DLG1: variants seen among roughly 807,000 people sequenced by gnomAD.
DLG1 encodes the protein discs large MAGUK scaffold protein 1.
In DLG1, 42 loss-of-function variants were observed where a neutral mutation model predicts 123.4. The observed-to-expected ratio is 0.34, with a 90% CI of 0.27 to 0.44. DLG1 has a LOEUF of 0.44. DLG1 is among the 20% of genes least tolerant of loss of function. The pLI is 1.00. For missense variants in DLG1, 942 were observed against 1,082.6 expected (o/e 0.87, Z 1.82); for synonymous variants, 317 against 356.2 (o/e 0.89, Z 1.24).
In DLG1 at chr3:197,230,938, ATATAG is replaced by A. The variant is rs1244488616; in HGVS notation, c.319-36354_319-36350del. ...TCCATGATTCTTCCAACTGCTTTACATATAGTATGTTATTTAATCATCTTAATGCT... is the reference window on the plus strand; with the variant it reads ...TCCATGATTCTTCCAACTGCTTTACATATGTTATTTAATCATCTTAATGCT... On this transcript the variant is annotated intron_variant, in intron 4 of 24. Transcript: ENST00000667157. 2.7e-5 allele frequency among the ~76,000 whole-genome samples: 4 copies of A among 150,136 alleles called. No homozygotes were observed. In the East Asian group the frequency reaches 7.7e-4, roughly 29 times the overall value.
Position 197,043,402 on chromosome 3 carries a change from G to A in DLG1, c.*1221C>T, listed in dbSNP as rs960138063. ...ACCTTTGTAGAAAAGAGGAGAATAT[G>A]CCCACACTTTTACTTATAATCTAAT... On this transcript the variant is annotated 3_prime_UTR_variant, in exon 25 of 25. Coordinates refer to ENST00000667157, the MANE Select transcript of DLG1 (RefSeq NM_001366207.1). 24 of 152,142 alleles carry A rather than the reference G, an allele frequency of 1.6e-4. No individual in the cohort carries two copies. The highest frequency in any genetic ancestry group is 5.8e-4 in the African/African-American group (24 of 41,516). 9.4% of individuals were successfully genotyped at this position (152,142 alleles called of 1,614,324 possible). A position where few individuals can be genotyped will look rare whatever the true frequency, so the allele number is the denominator to read the frequency against.
chr3:197,287,108 G>A (rs181910175), intron 3 of DLG1, among the ~76,000 whole-genome samples: 272 of 151,758 alleles, frequency 1.8e-3, no homozygotes, highest in Non-Finnish European at 3.4e-3. Context: ...TGGGCTCAAG[G>A]ATCCTCCCAC....
chr3:197,214,198 T>A (rs1045195918), intron 4 of DLG1, among the ~76,000 whole-genome samples: 3 of 152,038 alleles, frequency 2.0e-5, no homozygotes, highest in Admixed American at 6.6e-5. Flanking sequence ...TAAAAAAAAA[T>A]ACCTATTAGA....
chr3:197,199,792 T>C (rs1310853513), intron 4 of DLG1, among the ~76,000 whole-genome samples: 2 of 152,124 alleles, frequency 1.3e-5, no homozygotes, highest in East Asian at 3.9e-4. Context: ...GCCAATAAAG[T>C]AGAATGTAGA....
chr3:197,289,016 T>C (rs1773498120), intron 3 of DLG1, among the ~76,000 whole-genome samples: 1 of 152,194 alleles, frequency 6.6e-6, no homozygotes, highest in African/African-American at 2.4e-5. Context: ...TCTCAAAATG[T>C]GAGCTTCTTG....
chr3:197,174,665 C>A (rs1806067789), intron 5 of DLG1, among the ~76,000 whole-genome samples: 1 of 152,094 alleles, frequency 6.6e-6, no homozygotes, highest in Non-Finnish European at 1.5e-5. Context: ...TGATTTCTTT[C>A]CAAATTTATA....
intron 4 of DLG1, among the ~76,000 whole-genome samples, chr3:197,271,864 G>A (rs946384507): frequency 2.0e-5 from 3 of 152,112 alleles, no homozygotes; most frequent in Non-Finnish European, 1.5e-5. Flanking sequence ...CACACATACA[G>A]GAAAAGCAAG....
chr3:197,051,337 C>T (rs1560317625), intron 24 of DLG1, among the ~76,000 whole-genome samples: 1 of 150,136 alleles, frequency 6.7e-6, no homozygotes, highest in Admixed American at 6.6e-5. Flanking sequence ...GCAGGAGAAT[C>T]GCTTGAGCCA....
In DLG1 at chr3:197,235,070, C is replaced by T. The variant is rs141957461; in HGVS notation, c.319-40481G>A. Among the ~76,000 whole-genome samples the T allele has an allele frequency of 2.5e-3, 380 of 152,188 alleles. 2 individuals are homozygous for T. The highest frequency in any genetic ancestry group is 0.01 in the Middle Eastern group (3 of 294). On this transcript the variant is annotated intron_variant, in intron 4 of 24. Coordinates refer to ENST00000667157, the MANE Select transcript of DLG1 (RefSeq NM_001366207.1). ...TAGAAAACTAGAAAAAAAATACATG[C>T]CACAACAGTTTTCAGCACTGGACAA...
intron 12 of DLG1, among the ~76,000 whole-genome samples, chr3:197,116,483 A>AG (rs1773370653): frequency 6.6e-6 from 1 of 152,188 alleles, no homozygotes; most frequent in Non-Finnish European, 1.5e-5. Flanking sequence ...TAGAGAAGGC[A>AG]GGCCCTTTCT....
chr3:197,237,266 T>G (rs1457739915), intron 4 of DLG1, among the ~76,000 whole-genome samples: 1 of 152,198 alleles, frequency 6.6e-6, no homozygotes, highest in Non-Finnish European at 1.5e-5. Flanking sequence ...TAGCTAGGAA[T>G]GTAGAACCCT....
chr3:197,115,817 G>T, intron 13 of DLG1, 110 bp downstream of exon 13: 2 of 1,053,300 alleles, frequency 1.9e-6, no homozygotes, highest in South Asian at 1.5e-5. Context: ...ATGTTAAGAA[G>T]ATAACCAAGA....
chr3:197,262,810 G>T (rs1001177796), intron 4 of DLG1, among the ~76,000 whole-genome samples: 10 of 152,322 alleles, frequency 6.6e-5, no homozygotes, highest in East Asian at 1.9e-4. Context: ...CAGCACAGAA[G>T]TGTGCTGTGT....
intron 10 of DLG1, among the ~76,000 whole-genome samples, chr3:197,133,952 AAG>A (rs759876004): frequency 1.3e-5 from 2 of 152,374 alleles, no homozygotes; most frequent in South Asian, 2.1e-4. Context: ...AAGTTGATTT[AAG>A]AGAGAGACTT....
At chr3:197,073,478 T>C (rs954627941) in intron 18 of DLG1, among the ~76,000 whole-genome samples, 3 of 152,214 alleles carry the variant, frequency 2.0e-5, no homozygotes, top group African/African-American at 7.2e-5. Context: ...TTTTCAAAAT[T>C]ACCTCCCTTA....
rs922706915 is a variant in DLG1, at chr3:197,042,687, G to C, written c.*1936C>G. The C allele has an allele frequency of 6.6e-6, 1 of 152,186 alleles. No homozygotes were observed. Among genetic ancestry groups the C allele is most frequent in the Non-Finnish European group, 1.5e-5 (1 of 68,024 alleles). 9.4% of individuals were successfully genotyped at this position (152,186 alleles called of 1,614,324 possible). On this transcript the variant is annotated 3_prime_UTR_variant, in exon 25 of 25. Transcript: ENST00000667157. The stretch of plus-strand genomic sequence containing the variant: ...GCTTATGCTGCGGTCTTGTAAGGCA[G>C]TTTCTGAAGCTCTTGAGATTTTACA...
chr3:197,271,006 G>A (rs750465634), intron 4 of DLG1, among the ~76,000 whole-genome samples: 10 of 152,124 alleles, frequency 6.6e-5, no homozygotes, highest in Admixed American at 1.3e-4. Flanking sequence ...TCATTTAAAG[G>A]GGGGGAAAAG....
intron 13 of DLG1, among the ~76,000 whole-genome samples, chr3:197,108,851 T>A (rs1211522394): frequency 6.6e-6 from 1 of 152,212 alleles, no homozygotes; most frequent in Non-Finnish European, 1.5e-5. Context: ...GAGTGCTTAA[T>A]CTGTTTATAT....
At chr3:197,277,444 G>A (rs575492802) in intron 4 of DLG1, among the ~76,000 whole-genome samples, 4 of 151,942 alleles carry the variant, frequency 2.6e-5, no homozygotes, top group Non-Finnish European at 5.9e-5. Flanking sequence ...AGGTTCATGC[G>A]ATTCTCACGT....
Sources: allele counts gnomAD v4.1 joint callset (sites outside exome capture counted in the v4.1 genomes callset), GRCh38; gene constraint gnomAD v4.1.1; transcripts MANE v1.5; gene names NCBI Gene and HGNC (gene_info 2026-07-23, HGNC 2026-07-21).